The following DSG4 variants were observed in gnomAD, a reference collection of about 807,000 sequenced individuals.
DSG4 encodes desmoglein-4.
In DSG4, 87 loss-of-function variants were observed where a neutral mutation model predicts 93.1. The ratio of observed to expected loss-of-function variants is 0.93; its 90% CI spans 0.79 to 1.12. The LOEUF (loss-of-function observed/expected upper bound fraction) is 1.12, where lower values mean the gene tolerates loss of function less well. DSG4 is among the 50% of genes most tolerant of loss of function. The probability of loss-of-function intolerance (pLI) is 0.00; values close to 1 mark genes in which losing one functional copy is unlikely to be tolerated. For synonymous variants in DSG4, 432 were observed against 452.9 expected (o/e 0.95, Z 0.59); for missense variants, 1,373 against 1,285.7 (o/e 1.07, Z -1.04).
intron 8 of DSG4, among the ~76,000 whole-genome samples, chr18:31,398,967 C>T (rs1321015978): frequency 6.6e-6 from 1 of 152,110 alleles, no homozygotes; most frequent in Non-Finnish European, 1.5e-5. Context: ...ATAAACACCT[C>T]ATTTGGAAAA....
chr18:31,384,993 G>A lies in DSG4; in HGVS notation c.49-143G>A, dbSNP rs2072172415. 3 of 750,876 alleles carry A rather than the reference G, an allele frequency of 4.0e-6. No individual in the cohort carries two copies. The Admixed American group carries it at 6.0e-5, about 15-fold the overall frequency. 46.5% of individuals were successfully genotyped at this position (750,876 alleles called of 1,614,324 possible). On this transcript the variant is annotated intron_variant, in intron 1 of 15. Coordinates refer to ENST00000308128, the MANE Select transcript of DSG4 (RefSeq NM_177986.5). ...AGGGCAAAAAGTCTATTATTCATTTGTGTTAGCCATGTTTATTTCACATCA... is the reference window on the plus strand; with the variant it reads ...AGGGCAAAAAGTCTATTATTCATTTATGTTAGCCATGTTTATTTCACATCA...
chr18:31,377,319 T>C (rs1382055829), intron 1 of DSG4, among the ~76,000 whole-genome samples: 1 of 152,218 alleles, frequency 6.6e-6, no homozygotes, highest in Non-Finnish European at 1.5e-5. Flanking sequence ...AAATGGGTTC[T>C]AAATTTGAAG....
chr18:31,392,109 T>A, intron 7 of DSG4, 46 bp from the exon 8 acceptor site: 1 of 1,585,724 alleles, frequency 6.3e-7, no homozygotes, highest in Non-Finnish European at 8.7e-7. Flanking sequence ...AGTACGTTTC[T>A]TCTTTTGAAA....
In DSG4 at chr18:31,399,278, G is replaced by C. The variant is rs754093240; in HGVS notation, c.1012G>C (p.Asp338His). 1 of 1,613,876 alleles carries C rather than the reference G, an allele frequency of 6.2e-7. No individual in the cohort carries two copies. Among genetic ancestry groups the C allele is most frequent in the East Asian group, 2.2e-5 (1 of 44,866 alleles). The change falls in exon 9 of 16, where the codon GAT (aspartate) becomes CAT (histidine). Residue 338 changes from aspartate (D) to histidine (H), a missense_variant. Physicochemically the swap from Asp to His is moderately conservative, Grantham distance 81 (BLOSUM62 -1). Coordinates refer to ENST00000308128, the MANE Select transcript of DSG4 (RefSeq NM_177986.5). The stretch of plus-strand genomic sequence containing the variant: ...TTATTTTCTTTCATTTCAGATGCTG[G>C]ATTATGAACAAGCACCTAACATTCA... ...EGILKVVKML[D>H]YEQAPNIQLS... is the part of the protein sequence containing the mutation.
chr18:31,413,449 G>A lies in DSG4; in HGVS notation c.2977G>A (p.Gly993Ser), dbSNP rs1412936496. 1.1e-5 allele frequency: 18 copies of A among 1,611,944 alleles called. No individual in the cohort carries two copies. The highest frequency in any genetic ancestry group is 1.6e-4 in the Middle Eastern group (1 of 6,078). ...TEGCMGPVMS[G>S]NILVGPEIQV... ...GGGTTGTATGGGACCTGTGATGAGC[G>A]GCAATATTTTAGTAGGGCCAGAAAT... is the stretch of plus-strand genomic sequence containing the variant. Residue 993 changes from glycine (G) to serine (S), a missense_variant, in exon 16 of 16, where the codon GGC becomes AGC. Transcript: ENST00000308128.
At chr18:31,388,069 G>A (rs1459258506) in intron 3 of DSG4, among the ~76,000 whole-genome samples, 1 of 152,100 alleles carries the variant, frequency 6.6e-6, no homozygotes, top group Non-Finnish European at 1.5e-5. Flanking sequence ...TTCTGCGTAT[G>A]CTAAAAAATC....
At chr18:31,396,555 A>T (rs2072308545) in intron 8 of DSG4, among the ~76,000 whole-genome samples, 1 of 151,822 alleles carries the variant, frequency 6.6e-6, no homozygotes, top group African/African-American at 2.4e-5. Flanking sequence ...GGGTTTCACC[A>T]TTGCTGGCCA....
intron 2 of DSG4, among the ~76,000 whole-genome samples, chr18:31,385,377 G>T (rs983698236): frequency 2.6e-5 from 4 of 152,278 alleles, no homozygotes; most frequent in Admixed American, 1.3e-4. Context: ...CAACAGCTTA[G>T]TGTCTTAGTA....
rs539648562 is a variant in DSG4, at chr18:31,404,588, G to GC, written c.1636+954_1636+955insC. Among the ~76,000 whole-genome samples the GC allele has an allele frequency of 3.9e-3, 599 of 152,170 alleles. 4 individuals carry two copies. The highest frequency in any genetic ancestry group is 0.013 in the African/African-American group (555 of 41,500). On this transcript the variant is annotated intron_variant, in intron 11 of 15. Transcript: ENST00000308128. ...GAGGAAATACTTCCCACCTCTTTAA[G>GC]GTCACCAAGCCCCTCTATTTACAGA...
rs1055220904 is a variant in DSG4 at position 31,411,257 on chromosome 18, G to T, written c.2164G>T (p.Gly722Trp). 6.2e-7 allele frequency: 1 copy of T among 1,613,634 alleles called. No individual in the cohort carries two copies. The highest frequency in any genetic ancestry group is 8.5e-7 in the Non-Finnish European group (1 of 1,180,026). Residue 722 changes from glycine to tryptophan, a missense_variant, in exon 15 of 16, where the codon GGG becomes TGG. Coordinates refer to ENST00000308128, the MANE Select transcript of DSG4 (RefSeq NM_177986.5). The stretch of plus-strand genomic sequence containing the variant: ...AATCTACACCAACACCTATGCAGCC[G>T]GGGGCACGGTGGAAGGAGGTGTATC... The part of the protein sequence containing the change: ...SEIYTNTYAA[G>W]GTVEGGVSGV...
chr18:31,406,220 A>T lies in DSG4; in HGVS notation c.1780A>T (p.Met594Leu), dbSNP rs1382394285. The T allele has an allele frequency of 6.2e-7, 1 of 1,613,260 alleles. No individual in the cohort carries two copies. Among genetic ancestry groups the T allele is most frequent in the Admixed American group, 1.7e-5 (1 of 59,942 alleles). ...TGCCTGTGATTGCGATGACAACCACATGTGCCTGGACTCTGGTGCCGCGGG... is the reference window on the plus strand; with the variant it reads ...TGCCTGTGATTGCGATGACAACCACTTGTGCCTGGACTCTGGTGCCGCGGG... ...LYACDCDDNH[M>L]CLDSGAAGIY... Residue 594 changes from methionine to leucine, a missense_variant, in exon 12 of 16, where the codon ATG becomes TTG. Physicochemically the swap from Met to Leu is conservative, Grantham distance 15. Coordinates refer to ENST00000308128, the MANE Select transcript of DSG4 (RefSeq NM_177986.5).
At position 31,409,522 on chromosome 18, in the gene DSG4, T is replaced by C. The variant is rs554339041; in HGVS notation, c.2004T>C (p.Ala668=). 257 of 1,614,094 alleles carry C rather than the reference T, an allele frequency of 1.6e-4. No individual in the cohort carries two copies. In the African/African-American group the frequency reaches 2.9e-3, roughly 18 times the overall value. The change falls in exon 13 of 16, where the codon GCT becomes GCC. Residue 668 remains alanine (A), a synonymous_variant. Transcript: ENST00000308128. Reference sequence around the variant, plus strand: ...CAGAAGGCCTGGGAACAAGATTTGCTCCTGTGCCTGAGGGCGGAGAAGGAG... The same window carrying C: ...CAGAAGGCCTGGGAACAAGATTTGCCCCTGTGCCTGAGGGCGGAGAAGGAG... The part of the protein sequence containing the change: ...RQPEGLGTRF[A]PVPEGGEGVM...
intron 8 of DSG4, among the ~76,000 whole-genome samples, chr18:31,398,689 G>T (rs186472877): frequency 1.3e-5 from 2 of 151,958 alleles, no homozygotes; most frequent in Admixed American, 6.6e-5. Flanking sequence ...TCTGGGCATG[G>T]CATTTACTTA....
At chr18:31,404,865 T>C (rs1326051868) in intron 11 of DSG4, among the ~76,000 whole-genome samples, 1 of 152,172 alleles carries the variant, frequency 6.6e-6, no homozygotes, top group African/African-American at 2.4e-5. Flanking sequence ...ATCCTAGATA[T>C]TATGATTACA....
intron 8 of DSG4, among the ~76,000 whole-genome samples, chr18:31,392,567 C>A (rs2072261622): frequency 6.6e-6 from 1 of 151,938 alleles, no homozygotes; most frequent in African/African-American, 2.4e-5. Context: ...CTGACAGTGT[C>A]CAATATCTAG....
intron 8 of DSG4, among the ~76,000 whole-genome samples, chr18:31,394,506 G>A (rs1011200398): frequency 6.6e-6 from 1 of 152,170 alleles, no homozygotes; most frequent in East Asian, 1.9e-4. Context: ...GAACCCGGGA[G>A]GCGGAGGTTG....
intron 1 of DSG4, among the ~76,000 whole-genome samples, chr18:31,383,638 T>C (rs1191383756): frequency 1.3e-5 from 2 of 152,142 alleles, no homozygotes; most frequent in African/African-American, 2.4e-5. Flanking sequence ...CCCCAGCTTC[T>C]GGTCTTTCCT....
At position 31,399,517 on chromosome 18, in the gene DSG4, C is replaced by T; in HGVS notation, c.1251C>T (p.Asp417=). 6.2e-7 allele frequency: 1 copy of T among 1,613,964 alleles called. No homozygotes were observed. The highest frequency in any genetic ancestry group is 8.5e-7 in the Non-Finnish European group (1 of 1,179,920). ...GCACATATACAGCCATAGATTTGGA[C>T]ACAGGAAACCCTGCAACAGATGTCA... The part of the protein sequence containing the change: ...VLGTYTAIDL[D]TGNPATDVRY... The change falls in exon 9 of 16, where the codon GAC becomes GAT. Residue 417 remains aspartate (D), a synonymous_variant. Transcript: ENST00000308128.
At chr18:31,378,512 T>TA (rs1330169697) in intron 1 of DSG4, among the ~76,000 whole-genome samples, 2 of 152,190 alleles carry the variant, frequency 1.3e-5, no homozygotes, top group African/African-American at 2.4e-5. Context: ...GAAGAGTTGA[T>TA]TCTTCTCCTT....
Sources: allele counts gnomAD v4.1 joint callset (sites outside exome capture counted in the v4.1 genomes callset), GRCh38; gene constraint gnomAD v4.1.1; transcripts MANE v1.5; gene names NCBI Gene and HGNC (gene_info 2026-07-23, HGNC 2026-07-21).